The following CLCN5 variants were observed in gnomAD, a reference collection of about 807,000 sequenced individuals.
The protein encoded by CLCN5 is Cl-/H+ antiporter 5.
In CLCN5, 17 loss-of-function variants were observed where a neutral mutation model predicts 54.0. The ratio of observed to expected loss-of-function variants is 0.31; its 90% CI spans 0.22 to 0.47. CLCN5 has a LOEUF of 0.47. CLCN5 is among the 20% of genes least tolerant of loss of function. The probability of loss-of-function intolerance (pLI) is 1.00; values close to 1 mark genes in which losing one functional copy is unlikely to be tolerated. For missense variants in CLCN5, 448 were observed against 646.7 expected (o/e 0.69, Z 3.33); for synonymous variants, 222 against 233.0 (o/e 0.95, Z 0.43).
At chrX:49,940,990 A>G (rs1037047356) in intron 3 of CLCN5, among the ~76,000 whole-genome samples, 6 of 111,721 alleles carry the variant, frequency 5.4e-5, no homozygotes, top group African/African-American at 2.0e-4. Context: ...CTATACCATT[A>G]CTGGAAAGAT....
chrX:49,966,620 A>ATTTTT (rs1557175500), intron 3 of CLCN5, among the ~76,000 whole-genome samples: 1 of 18,352 alleles, frequency 5.4e-5, no homozygotes, highest in Non-Finnish European at 7.6e-5. Context: ...TTATTTTTTT[A>ATTTTT]TTTTTTTTAT....
intron 3 of CLCN5, among the ~76,000 whole-genome samples, chrX:50,000,258 G>A (rs199844676): frequency 3.6e-5 from 4 of 109,833 alleles, no homozygotes; most frequent in East Asian, 2.9e-4. Flanking sequence ...ATCCAGCATC[G>A]CAGGACTGTG....
At chrX:49,973,645 G>A (rs1015831102) in intron 3 of CLCN5, among the ~76,000 whole-genome samples, 1 of 109,857 alleles carries the variant, frequency 9.1e-6, no homozygotes, top group Non-Finnish European at 1.9e-5. Context: ...CCTGACCTAT[G>A]ATGGCTCAAC....
intron 4 of CLCN5, among the ~76,000 whole-genome samples, chrX:50,056,896 G>T (rs1021074980): frequency 1.8e-5 from 2 of 111,599 alleles, no homozygotes; most frequent in Non-Finnish European, 3.8e-5. Flanking sequence ...TAGATTTGTT[G>T]GAGTTCTTGC....
chrX:49,986,410 C>CT (rs201722369), intron 3 of CLCN5, among the ~76,000 whole-genome samples: 6,758 of 111,665 alleles, frequency 0.061, 547 homozygotes, highest in African/African-American at 0.21. Context: ...TCTTGTACTA[C>CT]TTTTTTAAGT....
chrX:49,933,521 A>G (rs1569536644), intron 3 of CLCN5, among the ~76,000 whole-genome samples: 1 of 112,531 alleles, frequency 8.9e-6, no homozygotes, highest in African/African-American at 3.2e-5. Flanking sequence ...TTTAAACTCC[A>G]GAAGCCTCAA....
At chrX:49,936,025 T>C (rs1046975350) in intron 3 of CLCN5, among the ~76,000 whole-genome samples, 2 of 111,267 alleles carry the variant, frequency 1.8e-5, no homozygotes, top group Non-Finnish European at 3.8e-5. Flanking sequence ...TGAATCTTTC[T>C]TTAATGAGTA....
intron 3 of CLCN5, among the ~76,000 whole-genome samples, chrX:50,041,661 G>T (rs1323476231): frequency 3.6e-5 from 4 of 111,651 alleles, no homozygotes; most frequent in African/African-American, 1.3e-4. Flanking sequence ...GTGAACTACT[G>T]TTATGTTTGT....
At chrX:50,038,014 G>A (rs1025754224) in intron 3 of CLCN5, among the ~76,000 whole-genome samples, 2 of 111,463 alleles carry the variant, frequency 1.8e-5, no homozygotes, top group Non-Finnish European at 3.8e-5. Flanking sequence ...TGGAGATGGA[G>A]CATGAAAATA....
chrX:50,006,577 A>C (rs1204112422), intron 3 of CLCN5, among the ~76,000 whole-genome samples: 2 of 111,663 alleles, frequency 1.8e-5, no homozygotes, highest in African/African-American at 6.5e-5. Context: ...TCATGTGTTC[A>C]AGGGGCTGGA....
chrX:50,013,943 G>C (rs1382296821), intron 3 of CLCN5, among the ~76,000 whole-genome samples: 1 of 111,993 alleles, frequency 8.9e-6, no homozygotes, highest in South Asian at 3.7e-4. Context: ...CTGCTGTTTG[G>C]GAATGCCACA....
intron 3 of CLCN5, chrX:50,013,443 C>T (rs927250273): frequency 5.2e-5 from 13 of 249,983 alleles, no homozygotes; most frequent in African/African-American, 3.2e-4. Context: ...TGTCTCTCTC[C>T]GGGACTTCCT....
intron 4 of CLCN5, among the ~76,000 whole-genome samples, chrX:50,058,993 T>A (rs1360807450): frequency 1.8e-5 from 2 of 111,940 alleles, no homozygotes; most frequent in Non-Finnish European, 3.8e-5. Flanking sequence ...TGCATTTTGT[T>A]ACTTTGTGCA....
At chrX:50,009,697 T>C (rs782576348) in intron 3 of CLCN5, 2 of 384,417 alleles carry the variant, frequency 5.2e-6, no homozygotes, top group Middle Eastern at 4.3e-4. Flanking sequence ...ACATGCAGGG[T>C]GCAGGTGCCT....
At chrX:49,949,158 A>G (rs1557172623) in intron 3 of CLCN5, among the ~76,000 whole-genome samples, 2 of 112,097 alleles carry the variant, frequency 1.8e-5, no homozygotes, top group Admixed American at 9.4e-5. Flanking sequence ...ACTAGGGGCA[A>G]TTTTACCCCC....
intron 4 of CLCN5, among the ~76,000 whole-genome samples, chrX:50,049,626 G>A (rs1602088660): frequency 8.9e-6 from 1 of 111,777 alleles, no homozygotes; most frequent in African/African-American, 3.3e-5. Context: ...CCCTTTCATT[G>A]AGGCTGTTTT....
intron 4 of CLCN5, chrX:50,050,545 ATTGGGATTTTTT>A (rs1932543531): frequency 9.2e-6 from 1 of 108,896 alleles, no homozygotes; most frequent in Admixed American, 9.8e-5. Context: ...CCATTTTTAA[ATTGGGATTTTTT>A]TTATTGTTGA....
chrX:50,031,283 C>G (rs1008547013), intron 3 of CLCN5, among the ~76,000 whole-genome samples: 6 of 111,682 alleles, frequency 5.4e-5, no homozygotes, highest in African/African-American at 1.3e-4. Context: ...CTCCTTTGGG[C>G]GAATTTACAG....
intron 3 of CLCN5, among the ~76,000 whole-genome samples, chrX:49,929,615 G>C (rs782548642): frequency 9.0e-6 from 1 of 111,261 alleles, no homozygotes; most frequent in Admixed American, 9.6e-5. Context: ...AATTTAGAAG[G>C]GTTAATATAA....
Sources: allele counts gnomAD v4.1 joint callset (sites outside exome capture counted in the v4.1 genomes callset), GRCh38; gene constraint gnomAD v4.1.1; transcripts MANE v1.5; gene names NCBI Gene and HGNC (gene_info 2026-07-23, HGNC 2026-07-21).